Variants in PGM5 observed in about 807,000 individuals in gnomAD.
PGM5 encodes the protein phosphoglucomutase-like protein 5.
In PGM5, 23 loss-of-function variants were observed where a neutral mutation model predicts 59.2. That is an observed-to-expected ratio of 0.39 (90% CI 0.28 to 0.55). The LOEUF (loss-of-function observed/expected upper bound fraction) is 0.55, where lower values mean the gene tolerates loss of function less well. Among genes scored for constraint, PGM5 ranks in the 20% least tolerant of loss-of-function variants. The probability of loss-of-function intolerance (pLI) is 0.66; values close to 1 mark genes in which losing one functional copy is unlikely to be tolerated. For synonymous variants in PGM5, 214 were observed against 286.0 expected, an observed-to-expected ratio of 0.75 and a Z score of 2.54; for missense variants, 574 against 748.3, an observed-to-expected ratio of 0.77 and a Z score of 2.72.
At chr9:68,517,309 C>T (rs557577392) in intron 10 of PGM5, among the ~76,000 whole-genome samples, 210 of 152,208 alleles carry the variant, frequency 1.4e-3, no homozygotes, top group African/African-American at 4.2e-3. Flanking sequence ...TGGGCTCTTA[C>T]GCAAATCTGC....
intron 6 of PGM5, among the ~76,000 whole-genome samples, chr9:68,398,846 C>A (rs1822584010): frequency 6.6e-6 from 1 of 152,124 alleles, no homozygotes; most frequent in African/African-American, 2.4e-5. Flanking sequence ...GGACCTCAGG[C>A]ATAGAGAGTT....
Position 68,455,935 on chromosome 9 carries a change from A to G in PGM5, c.1044-9158A>G, listed in dbSNP as rs781965893. Among the ~76,000 whole-genome samples, 90 of 152,356 alleles carry G rather than the reference A, an allele frequency of 5.9e-4. 1 individual carries two copies. Among genetic ancestry groups the G allele is most frequent in the Admixed American group, 1.8e-3 (28 of 15,304 alleles). On this transcript the variant is annotated intron_variant, in intron 6 of 10. Transcript: ENST00000396396. ...CTTTTTTGTGGCTCTTTTGCATTCT[A>G]TAATTTGGTGGCCTTGGACTATGGC... is the stretch of plus-strand genomic sequence containing the variant.
rs1312706601 is a variant in PGM5 at position 68,437,270 on chromosome 9, T to G, written c.1044-27823T>G. On this transcript the variant is annotated intron_variant, in intron 6 of 10. Transcript: ENST00000396396. The surrounding 1 kb of genome is among the most constrained non-coding windows in gnomAD (Gnocchi z 4.1). ...TCTTTTATTAATTTTCTCCTCTTGT[T>G]TTATTACATCTGGGTACTTATTGAA... Among the ~76,000 whole-genome samples the G allele has an allele frequency of 6.6e-6, 1 of 152,222 alleles. No homozygotes were observed. Among genetic ancestry groups the G allele is most frequent in the African/African-American group, 2.4e-5 (1 of 41,462 alleles).
intron 1 of PGM5, among the ~76,000 whole-genome samples, chr9:68,368,638 G>A (rs1311904256): frequency 2.7e-5 from 4 of 147,174 alleles, no homozygotes; most frequent in Non-Finnish European, 4.5e-5. Flanking sequence ...TAGTTTTTAG[G>A]TTTTTTTTTT....
chr9:68,467,327 C>T (rs1554685908), intron 7 of PGM5, among the ~76,000 whole-genome samples: 1 of 152,222 alleles, frequency 6.6e-6, no homozygotes, highest in East Asian at 1.9e-4. Flanking sequence ...CCTCCTCTTT[C>T]TCCTATGCTT....
chr9:68,519,025 T>C (rs996065613), intron 10 of PGM5, among the ~76,000 whole-genome samples: 5 of 152,222 alleles, frequency 3.3e-5, no homozygotes, highest in Admixed American at 2.0e-4. Context: ...AATAGTTTGA[T>C]TGACAACTAA....
At chr9:68,463,490 T>C (rs782494161) in intron 6 of PGM5, among the ~76,000 whole-genome samples, 1 of 152,122 alleles carries the variant, frequency 6.6e-6, no homozygotes, top group Non-Finnish European at 1.5e-5. Flanking sequence ...ACTAAGACAT[T>C]TGAAGAGACA....
At chr9:68,446,639 G>A (rs868937119) in intron 6 of PGM5, among the ~76,000 whole-genome samples, 5 of 152,178 alleles carry the variant, frequency 3.3e-5, no homozygotes, top group African/African-American at 1.2e-4. Flanking sequence ...GAAGGATGAA[G>A]TCTACAGGTT....
At chr9:68,491,102 C>T (rs879946594) in intron 9 of PGM5, among the ~76,000 whole-genome samples, 9 of 152,256 alleles carry the variant, frequency 5.9e-5, no homozygotes, top group Non-Finnish European at 1.2e-4. Flanking sequence ...ACCTACTAGA[C>T]GCCAGTCAGC....
chr9:68,452,057 C>G (rs1405394684), intron 6 of PGM5, among the ~76,000 whole-genome samples: 1 of 152,214 alleles, frequency 6.6e-6, no homozygotes, highest in East Asian at 1.9e-4. Flanking sequence ...CAGCCCTGGC[C>G]TGACAGAGAG....
At chr9:68,473,826 G>T (rs1824059413) in intron 7 of PGM5, among the ~76,000 whole-genome samples, 1 of 152,086 alleles carries the variant, frequency 6.6e-6, no homozygotes, top group African/African-American at 2.4e-5. Context: ...AAAGTCCTCA[G>T]TTTTCCAGAT....
In PGM5 at chr9:68,465,035, G is replaced by GA. The variant is rs3834885; in HGVS notation, c.1044-49dup. 7.3e-3 allele frequency: 7,899 copies of GA among 1,080,652 alleles called. 3 individuals are homozygous for GA. Among genetic ancestry groups the GA allele is most frequent in the East Asian group, 0.011 (442 of 39,640 alleles). 66.9% of individuals were successfully genotyped at this position (1,080,652 alleles called of 1,614,324 possible). A position where few individuals can be genotyped will look rare whatever the true frequency, so the allele number is the denominator to read the frequency against. On this transcript the variant is annotated intron_variant, in intron 6 of 10. Transcript: ENST00000396396. Reference sequence around the variant, plus strand: ...TCCTAAAGACTTCCTACTGTGCTGAGAAAAAAAAACAGAAAATGAAATATA... The same window carrying GA: ...TCCTAAAGACTTCCTACTGTGCTGAGAAAAAAAAAACAGAAAATGAAATATA...
intron 10 of PGM5, among the ~76,000 whole-genome samples, chr9:68,502,806 C>T (rs1824599275): frequency 6.6e-6 from 1 of 152,182 alleles, no homozygotes; most frequent in African/African-American, 2.4e-5. Context: ...TCTCCTGCCT[C>T]AGCCCCCCGA....
In PGM5 at chr9:68,477,448, G is replaced by A. The variant is rs141217216; in HGVS notation, c.1160-1970G>A. Among the ~76,000 whole-genome samples, 259 of 152,288 alleles carry A rather than the reference G, an allele frequency of 1.7e-3. 2 individuals are homozygous for A. The highest frequency in any genetic ancestry group is 5.9e-3 in the African/African-American group (245 of 41,552). ...TAAGTATTGTTTGATCCCATTTTCA[G>A]GGGTTAAACAGCTCTGTGGCGTTGC... On this transcript the variant is annotated intron_variant, in intron 7 of 10. Coordinates refer to ENST00000396396, the MANE Select transcript of PGM5 (RefSeq NM_021965.4).
intron 6 of PGM5, chr9:68,394,427 A>G (rs1311511222): frequency 6.6e-6 from 1 of 152,120 alleles, no homozygotes; most frequent in Non-Finnish European, 1.5e-5. Context: ...ATACCATGCC[A>G]TTGCACTCCA....
intron 6 of PGM5, among the ~76,000 whole-genome samples, chr9:68,454,211 A>G (rs1318223765): frequency 4.6e-5 from 7 of 152,168 alleles, no homozygotes; most frequent in African/African-American, 1.4e-4. Context: ...CTGAAGGTCA[A>G]GGTTCCTGCC....
chr9:68,505,116 A>C (rs1587222631), intron 10 of PGM5, among the ~76,000 whole-genome samples: 1 of 152,234 alleles, frequency 6.6e-6, no homozygotes, highest in African/African-American at 2.4e-5. Context: ...AAGGAGACTG[A>C]GTCAGGAAGC....
chr9:68,409,780 A>G (rs1822890353), intron 6 of PGM5, among the ~76,000 whole-genome samples: 2 of 140,454 alleles, frequency 1.4e-5, no homozygotes, highest in Non-Finnish European at 3.1e-5. Context: ...ATGCTAGATG[A>G]CGAGTTAGTG....
intron 6 of PGM5, among the ~76,000 whole-genome samples, chr9:68,400,347 A>G (rs1313388227): frequency 3.9e-5 from 6 of 152,146 alleles, no homozygotes; most frequent in African/African-American, 2.4e-5. Flanking sequence ...TAAACATGTC[A>G]TGCTGCTTAC....
Sources: gnomAD v4.1 joint callset for allele counts (sites outside exome capture counted in the v4.1 genomes callset) on GRCh38, gnomAD v4.1.1 for gene constraint, Gnocchi (gnomAD v3.1) non-coding constraint, MANE v1.5 for transcripts, NCBI Gene and HGNC (gene_info 2026-07-23, HGNC 2026-07-21) for gene names.